Variants in BAALC observed in about 807,000 individuals in gnomAD.
The protein encoded by BAALC is BAALC binder of MAP3K1 and KLF4, also known as brain and acute leukemia cytoplasmic protein.
In BAALC, 9 loss-of-function variants were observed where a neutral mutation model predicts 15.5. That is an observed-to-expected ratio of 0.58 (90% CI 0.35 to 1.02). BAALC has a LOEUF of 1.02. Among genes scored for constraint, BAALC ranks in the 50% least tolerant of loss-of-function variants. The probability of loss-of-function intolerance (pLI) is 0.02; values close to 1 mark genes in which losing one functional copy is unlikely to be tolerated. For synonymous variants in BAALC, 80 were observed against 74.6 expected, an observed-to-expected ratio of 1.07 and a Z score of -0.37; for missense variants, 201 against 192.4, an observed-to-expected ratio of 1.04 and a Z score of -0.27.
chr8:103,172,034 G>T (rs1290460802), intron 1 of BAALC: 1 of 152,196 alleles, frequency 6.6e-6, no homozygotes, highest in Non-Finnish European at 1.5e-5. Context: ...TTCTAAGTGT[G>T]AATGACTGGG....
chr8:103,173,983 G>A (rs1000461), intron 1 of BAALC, among the ~76,000 whole-genome samples: 27,380 of 152,120 alleles, frequency 0.18, 3,019 homozygotes, highest in East Asian at 0.4. Flanking sequence ...GGAGCAAGAG[G>A]CTATGGAAAG....
intron 1 of BAALC, among the ~76,000 whole-genome samples, chr8:103,182,237 C>T (rs1476009531): frequency 6.6e-6 from 1 of 152,188 alleles, no homozygotes; most frequent in Non-Finnish European, 1.5e-5. Context: ...AGCTCCCTTC[C>T]CAGTATCCTA....
At chr8:103,196,462 G>A (rs1162121705) in intron 1 of BAALC, among the ~76,000 whole-genome samples, 1 of 151,864 alleles carries the variant, frequency 6.6e-6, no homozygotes, top group Non-Finnish European at 1.5e-5. Context: ...TTTATTTTTT[G>A]TAGAAAAGGG....
chr8:103,151,019 AT>A (rs3041482), intron 1 of BAALC, among the ~76,000 whole-genome samples: 52,511 of 142,378 alleles, frequency 0.37, 9,911 homozygotes, highest in African/African-American at 0.53. Flanking sequence ...AAAGAATTTG[AT>A]TTTTTTTTTT....
chr8:103,206,344 C>T (rs917050300), intron 1 of BAALC, among the ~76,000 whole-genome samples: 2 of 152,152 alleles, frequency 1.3e-5, no homozygotes, highest in African/African-American at 2.4e-5. Context: ...TGAGCTCTCC[C>T]TGAAGTCATC....
chr8:103,197,975 CT>C (rs1209404604), intron 1 of BAALC: 2 of 549,822 alleles, frequency 3.6e-6, no homozygotes, highest in African/African-American at 1.9e-5. Context: ...CCAGTCTTTC[CT>C]TTTAAACATT....
chr8:103,178,563 A>G (rs554104712), intron 1 of BAALC, among the ~76,000 whole-genome samples: 1 of 152,264 alleles, frequency 6.6e-6, no homozygotes, highest in South Asian at 2.1e-4. Flanking sequence ...TTTTGAAATA[A>G]AAAGTTTAAT....
intron 1 of BAALC, among the ~76,000 whole-genome samples, chr8:103,165,188 A>G (rs543842929): frequency 1.3e-5 from 2 of 152,304 alleles, no homozygotes; most frequent in Admixed American, 6.5e-5. Flanking sequence ...TGGCTCCACA[A>G]CTTTGACAGA....
intron 2 of BAALC, among the ~76,000 whole-genome samples, chr8:103,217,680 T>G (rs1490057507): frequency 6.6e-6 from 1 of 152,212 alleles, no homozygotes; most frequent in African/African-American, 2.4e-5. Context: ...GAAGATCCCT[T>G]TCATGAAGCA....
chr8:103,182,033 C>A (rs945492203), intron 1 of BAALC, among the ~76,000 whole-genome samples: 14 of 152,224 alleles, frequency 9.2e-5, no homozygotes, highest in Non-Finnish European at 1.6e-4. Flanking sequence ...AAGCACCTAG[C>A]CGGGCATGAG....
chr8:103,164,806 G>A (rs951745757), intron 1 of BAALC, among the ~76,000 whole-genome samples: 3 of 152,134 alleles, frequency 2.0e-5, no homozygotes, highest in Admixed American at 1.3e-4. Flanking sequence ...TTCCCCATAC[G>A]CCTTTTCTTC....
In BAALC at chr8:103,200,833, T is replaced by C. The variant is rs565583572; in HGVS notation, c.161-12086T>C. On this transcript the variant is annotated intron_variant, in intron 1 of 2. Transcript: ENST00000309982. ...ATCGTTCATGAAGACAGAACCGTCA[T>C]GGCAATTGCTTCCTAAAGGTCCTGC... The C allele has an allele frequency of 3.2e-5, 19 of 592,470 alleles. No individual in the cohort carries two copies. The Admixed American group carries it at 3.6e-4, about 11-fold the overall frequency. 36.7% of individuals were successfully genotyped at this position (592,470 alleles called of 1,614,324 possible).
At chr8:103,169,804 AAAC>A (rs1472108164) in intron 1 of BAALC, among the ~76,000 whole-genome samples, 1 of 152,200 alleles carries the variant, frequency 6.6e-6, no homozygotes, top group Non-Finnish European at 1.5e-5. Context: ...TTAGAAAACA[AAAC>A]AACAACTTCT....
intron 1 of BAALC, among the ~76,000 whole-genome samples, chr8:103,173,494 G>T (rs1405878310): frequency 6.6e-6 from 1 of 152,192 alleles, no homozygotes; most frequent in African/African-American, 2.4e-5. Context: ...TCATTTGGAT[G>T]ATTCTAAATT....
intron 1 of BAALC, among the ~76,000 whole-genome samples, chr8:103,188,456 T>C (rs959900720): frequency 6.6e-6 from 1 of 152,208 alleles, no homozygotes; most frequent in East Asian, 1.9e-4. Flanking sequence ...GACAGGCGGC[T>C]GCACATGGCT....
At chr8:103,196,931 T>C (rs1414864978) in intron 1 of BAALC, among the ~76,000 whole-genome samples, 1 of 152,186 alleles carries the variant, frequency 6.6e-6, no homozygotes, top group Non-Finnish European at 1.5e-5. Context: ...TTCATGGGTC[T>C]GGGGAGAAGA....
intron 2 of BAALC, among the ~76,000 whole-genome samples, chr8:103,224,918 C>T (rs1812770166): frequency 6.6e-6 from 1 of 152,048 alleles, no homozygotes; most frequent in African/African-American, 2.4e-5. Flanking sequence ...CTCCCCAGAC[C>T]CCTTAGATAG....
intron 1 of BAALC, among the ~76,000 whole-genome samples, chr8:103,177,728 T>C (rs1419092991): frequency 1.3e-5 from 2 of 152,228 alleles, no homozygotes; most frequent in African/African-American, 4.8e-5. Flanking sequence ...TTGAACTTTC[T>C]CAGTCCTAGT....
At chr8:103,210,984 A>T (rs921447171) in intron 1 of BAALC, among the ~76,000 whole-genome samples, 3 of 152,188 alleles carry the variant, frequency 2.0e-5, no homozygotes, top group Non-Finnish European at 4.4e-5. Flanking sequence ...ATGTTTTCAT[A>T]AGATGAATGA....
Sources: gnomAD v4.1 joint callset for allele counts (sites outside exome capture counted in the v4.1 genomes callset) on GRCh38, gnomAD v4.1.1 for gene constraint, MANE v1.5 for transcripts, NCBI Gene and HGNC (gene_info 2026-07-23, HGNC 2026-07-21) for gene names.